SMURF1: variants seen among roughly 807,000 people sequenced by gnomAD.
SMURF1 encodes E3 ubiquitin-protein ligase SMURF1.
In SMURF1, 44 loss-of-function variants were observed where a neutral mutation model predicts 98.0. The ratio of observed to expected loss-of-function variants is 0.45; its 90% confidence interval spans 0.35 to 0.58. The LOEUF (loss-of-function observed/expected upper bound fraction) is 0.58, where lower values mean the gene tolerates loss of function less well. Among genes scored for constraint, SMURF1 ranks in the 20% least tolerant of loss-of-function variants. The pLI is 0.00. For missense variants in SMURF1, 687 were observed against 938.4 expected, an observed-to-expected ratio of 0.73 and a Z score of 3.50; for synonymous variants, 396 against 374.9, an observed-to-expected ratio of 1.06 and a Z score of -0.65.
intron 1 of SMURF1, among the ~76,000 whole-genome samples, chr7:99,114,901 GA>G (rs1012039343): frequency 2.0e-5 from 3 of 151,692 alleles, no homozygotes; most frequent in Non-Finnish European, 4.4e-5. Flanking sequence ...AATAGGTCAA[GA>G]AAAAAATGAC....
chr7:99,051,894 A>G (rs1445248519), intron 7 of SMURF1, among the ~76,000 whole-genome samples: 1 of 152,204 alleles, frequency 6.6e-6, no homozygotes, highest in African/African-American at 2.4e-5. Context: ...CACACCTGTA[A>G]TCCCAGCACT....
chr7:99,098,704 T>C (rs1233522015), intron 1 of SMURF1, among the ~76,000 whole-genome samples: 1 of 152,160 alleles, frequency 6.6e-6, no homozygotes, highest in Non-Finnish European at 1.5e-5. Context: ...CAGATTTATA[T>C]TTGTTCTATG....
chr7:99,095,372 AG>A (rs1796933230), intron 1 of SMURF1, among the ~76,000 whole-genome samples: 1 of 152,136 alleles, frequency 6.6e-6, no homozygotes, highest in East Asian at 1.9e-4. Flanking sequence ...GAGCCACCGC[AG>A]GCGGACTGTT....
At chr7:99,038,600 T>G in intron 13 of SMURF1, 75 bp from the exon 14 acceptor site, 1 of 1,545,212 alleles carries the variant, frequency 6.5e-7, no homozygotes, top group Non-Finnish European at 8.8e-7. Flanking sequence ...CAGAAAACAT[T>G]TACGACTGCC....
At chr7:99,077,325 T>A (rs1295777307) in intron 1 of SMURF1, among the ~76,000 whole-genome samples, 3 of 146,148 alleles carry the variant, frequency 2.1e-5, no homozygotes, top group Non-Finnish European at 4.7e-5. Context: ...TTTTTTTATT[T>A]TTTTTATTTT....
intron 1 of SMURF1, among the ~76,000 whole-genome samples, chr7:99,138,337 G>T (rs1459855462): frequency 2.0e-5 from 3 of 152,160 alleles, no homozygotes; most frequent in African/African-American, 7.2e-5. Flanking sequence ...CCACGATGTT[G>T]TACAAAACAG....
At chr7:99,127,912 C>A (rs975567073) in intron 1 of SMURF1, among the ~76,000 whole-genome samples, 1 of 152,130 alleles carries the variant, frequency 6.6e-6, no homozygotes, top group Non-Finnish European at 1.5e-5. Context: ...ATAGGCGATA[C>A]GAAATGTACT....
chr7:99,127,993 C>G (rs1400376302), intron 1 of SMURF1, among the ~76,000 whole-genome samples: 1 of 151,982 alleles, frequency 6.6e-6, no homozygotes, highest in African/African-American at 2.4e-5. Flanking sequence ...TTTTCTAAAC[C>G]AAAACTCCTT....
intron 1 of SMURF1, among the ~76,000 whole-genome samples, chr7:99,063,241 TTATATATATATATATATA>T (rs1178325637): frequency 5.7e-4 from 20 of 34,880 alleles, no homozygotes; most frequent in African/African-American, 1.7e-3. Flanking sequence ...TAAGATTTAT[TTATATATATATATATATA>T]TATATATATA....
intron 16 of SMURF1, among the ~76,000 whole-genome samples, chr7:99,033,833 C>CACCAGGCT (rs1381738341): frequency 6.6e-6 from 1 of 152,222 alleles, no homozygotes; most frequent in Non-Finnish European, 1.5e-5. Context: ...CCCAAGTGAG[C>CACCAGGCT]ACCAGGCTGG....
intron 1 of SMURF1, among the ~76,000 whole-genome samples, chr7:99,088,903 A>T (rs935378068): frequency 1.3e-5 from 2 of 152,064 alleles, no homozygotes; most frequent in African/African-American, 4.8e-5. Flanking sequence ...TATCTCTACT[A>T]AAAACACACA....
chr7:99,140,281 C>CTTTTTTTTT (rs11421940), intron 1 of SMURF1, among the ~76,000 whole-genome samples: 4 of 85,796 alleles, frequency 4.7e-5, no homozygotes, highest in Non-Finnish European at 6.3e-5. Context: ...CTTCAGTATC[C>CTTTTTTTTT]TTTTTTTTTT....
chr7:99,132,971 G>A (rs1797905245), intron 1 of SMURF1, among the ~76,000 whole-genome samples: 5 of 152,138 alleles, frequency 3.3e-5, no homozygotes, highest in Admixed American at 2.6e-4. Context: ...CAGGGTCCCA[G>A]GGACTGGGGA....
chr7:99,142,624 G>T (rs1009235863), intron 1 of SMURF1, among the ~76,000 whole-genome samples: 7 of 135,314 alleles, frequency 5.2e-5, no homozygotes, highest in African/African-American at 1.7e-4. Context: ...GGGAAGAAGG[G>T]AGGAGGACGG....
At chr7:99,035,156 A>G (rs918635762) in intron 16 of SMURF1, among the ~76,000 whole-genome samples, 4 of 152,202 alleles carry the variant, frequency 2.6e-5, no homozygotes, top group Non-Finnish European at 5.9e-5. Context: ...GGAGCCACTG[A>G]GACTGGGGGC....
intron 1 of SMURF1, among the ~76,000 whole-genome samples, chr7:99,094,478 A>C (rs1208680993): frequency 6.6e-6 from 1 of 152,222 alleles, no homozygotes; most frequent in Non-Finnish European, 1.5e-5. Flanking sequence ...AAGCAGTACA[A>C]AAGGGAATTC....
rs368926780 is a variant in SMURF1 at position 99,047,842 on chromosome 7, G to C, written c.994C>G (p.Leu332Val). The change falls in exon 10 of 18, where the codon CTG becomes GTG. Residue 332 changes from leucine to valine, a missense_variant. Coordinates refer to ENST00000361368, the MANE Select transcript of SMURF1 (RefSeq NM_181349.3). ...QLKEPSQPLP[L>V]PSEGSLEDEE... Reference sequence around the variant, plus strand: ...TCCTCCAGAGAGCCCTCACTGGGCAGTGGCAGCGGCTGGCTGGGCTCCTTG... The same window carrying C: ...TCCTCCAGAGAGCCCTCACTGGGCACTGGCAGCGGCTGGCTGGGCTCCTTG... 2 of 1,614,086 alleles carry C rather than the reference G, an allele frequency of 1.2e-6. No homozygotes were observed. Among genetic ancestry groups the C allele is most frequent in the East Asian group, 2.2e-5 (1 of 44,890 alleles).
chr7:99,035,490 A>G, intron 16 of SMURF1, 25 bp downstream of exon 16: 1 of 1,613,348 alleles, frequency 6.2e-7, no homozygotes, highest in Non-Finnish European at 8.5e-7. Flanking sequence ...GCGTCATCGA[A>G]TAGCCCTGCC....
intron 1 of SMURF1, among the ~76,000 whole-genome samples, chr7:99,087,812 A>G (rs969163253): frequency 3.3e-5 from 5 of 152,206 alleles, no homozygotes; most frequent in Admixed American, 1.3e-4. Flanking sequence ...GGATGAGTAC[A>G]ATAGGCTCTG....
Sources: allele counts gnomAD v4.1 joint callset (sites outside exome capture counted in the v4.1 genomes callset), GRCh38; gene constraint gnomAD v4.1.1; transcripts MANE v1.5; gene names NCBI Gene and HGNC (gene_info 2026-07-23, HGNC 2026-07-21).